CYP3A4: variants seen among roughly 807,000 people sequenced by gnomAD.
CYP3A4 encodes the protein cytochrome P450 3A4.
CYP3A4 carries 41 observed loss-of-function variants against 54.9 expected under a neutral mutation model. That is an observed-to-expected ratio of 0.75 (90% CI 0.58 to 0.97). The LOEUF (loss-of-function observed/expected upper bound fraction) is 0.97. Ranked by LOEUF, CYP3A4 falls within the 50% of genes least tolerant of loss-of-function variation. The pLI, the probability that CYP3A4 is intolerant of heterozygous loss-of-function variation, is 0.00. For synonymous variants in CYP3A4, 179 were observed against 205.2 expected, an observed-to-expected ratio of 0.87 and a Z score of 1.09; for missense variants, 510 against 597.3, an observed-to-expected ratio of 0.85 and a Z score of 1.52.
chr7:99,777,602 A>G (rs1195931274), intron 3 of CYP3A4, among the ~76,000 whole-genome samples: 2 of 152,094 alleles, frequency 1.3e-5, no homozygotes, highest in African/African-American at 4.8e-5. Context: ...CTATCACAAA[A>G]GACTCCGCAA....
chr7:99,768,596 C>A, intron 6 of CYP3A4, 94 bp from the exon 7 acceptor site: 1 of 1,606,776 alleles, frequency 6.2e-7, no homozygotes, highest in Non-Finnish European at 8.5e-7. Flanking sequence ...CCAGTCAAGA[C>A]AGACAAACAG....
chr7:99,779,934 G>A, intron 2 of CYP3A4, 58 bp downstream of exon 2: 1 of 1,509,380 alleles, frequency 6.6e-7, no homozygotes, highest in Non-Finnish European at 9.2e-7. Flanking sequence ...TTTACTGATG[G>A]AACTAAGCTG....
chr7:99,783,301 T>C (rs1185702736), intron 1 of CYP3A4, among the ~76,000 whole-genome samples: 3 of 152,094 alleles, frequency 2.0e-5, no homozygotes, highest in African/African-American at 7.3e-5. Flanking sequence ...GTGAGAGGAT[T>C]CATCCTCTTC....
chr7:99,758,017 G>C lies in CYP3A4; in HGVS notation c.*116C>G. ...TACAGAATCCCCGGTTATTTATGCA[G>C]TCCATTGGATGAAGCCCATCTTCAT... On this transcript the variant is annotated 3_prime_UTR_variant, in exon 13 of 13. Coordinates refer to ENST00000651514, the MANE Select transcript of CYP3A4 (RefSeq NM_017460.6). 1 of 811,088 alleles carries C rather than the reference G, an allele frequency of 1.2e-6. No individual in the cohort carries two copies. Among genetic ancestry groups the C allele is most frequent in the Non-Finnish European group, 2.1e-6 (1 of 475,770 alleles). The allele number at this position is 811,088 out of a possible 1,614,324, so 50.2% of individuals were successfully genotyped here. A position where few individuals can be genotyped will look rare whatever the true frequency, so the allele number is the denominator to read the frequency against.
rs1815201152 is a variant in CYP3A4 at position 99,757,386 on chromosome 7, T to C, written c.*747A>G. 1 of 152,266 alleles carries C rather than the reference T, an allele frequency of 6.6e-6. No homozygotes were observed. The highest frequency in any genetic ancestry group is 1.5e-5 in the Non-Finnish European group (1 of 68,144). The allele number at this position is 152,266 out of a possible 1,614,324, so 9.4% of individuals were successfully genotyped here. A position where few individuals can be genotyped will look rare whatever the true frequency, so the allele number is the denominator to read the frequency against. On this transcript the variant is annotated 3_prime_UTR_variant, in exon 13 of 13. Transcript: ENST00000651514. The stretch of plus-strand genomic sequence containing the variant: ...GTTTCAACCATGTAGGCCAGGCTTG[T>C]CTTGAACTCCTGACCTCAGGCGATC...
intron 9 of CYP3A4, 120 bp from the exon 10 acceptor site, chr7:99,764,135 T>A: frequency 1.4e-6 from 2 of 1,431,456 alleles, no homozygotes; most frequent in South Asian, 1.3e-5. Context: ...GAAAAGCAAT[T>A]CAGAGGTACA....
At chr7:99,772,479 G>A in intron 4 of CYP3A4, 111 bp downstream of exon 4, 1 of 1,344,978 alleles carries the variant, frequency 7.4e-7, no homozygotes, top group Non-Finnish European at 1.0e-6. Context: ...AGGATGAAGT[G>A]GACGTGGAAC....
At chr7:99,760,139 A>T (rs1219155710) in intron 12 of CYP3A4, among the ~76,000 whole-genome samples, 2 of 152,102 alleles carry the variant, frequency 1.3e-5, no homozygotes. Context: ...CTGGCTGGGA[A>T]CAACATTAAT....
At chr7:99,779,662 C>T (rs1815863471) in intron 2 of CYP3A4, among the ~76,000 whole-genome samples, 1 of 152,168 alleles carries the variant, frequency 6.6e-6, no homozygotes, top group Admixed American at 6.5e-5. Context: ...TTAATACTAA[C>T]TAAGTATGAC....
At chr7:99,761,898 A>G (rs1815342460) in intron 11 of CYP3A4, 143 bp downstream of exon 11, 4 of 801,080 alleles carry the variant, frequency 5.0e-6, no homozygotes, top group Non-Finnish European at 7.9e-6. Context: ...ACAATAATCA[A>G]TTTGATGATT....
intron 9 of CYP3A4, 65 bp downstream of exon 9, chr7:99,766,312 C>A (rs774947380): frequency 6.4e-7 from 1 of 1,567,410 alleles, no homozygotes; most frequent in Non-Finnish European, 8.8e-7. Context: ...ACTTCCTGCA[C>A]ATTTTCAGAA....
chr7:99,783,379 C>T (rs1472903587), intron 1 of CYP3A4, among the ~76,000 whole-genome samples: 1 of 152,102 alleles, frequency 6.6e-6, no homozygotes, highest in Non-Finnish European at 1.5e-5. Flanking sequence ...CAGGTTTCCA[C>T]AGCCAAGTTT....
chr7:99,770,808 T>G (rs1815613269), intron 4 of CYP3A4, among the ~76,000 whole-genome samples: 1 of 152,186 alleles, frequency 6.6e-6, no homozygotes, highest in Admixed American at 6.5e-5. Context: ...ATTTCATGGA[T>G]AGAAAGAAAA....
intron 3 of CYP3A4, among the ~76,000 whole-genome samples, chr7:99,774,116 A>G (rs1815698352): frequency 6.6e-6 from 1 of 152,236 alleles, no homozygotes; most frequent in Admixed American, 6.5e-5. Context: ...ATTCCTGGAC[A>G]CATGCCCCCT....
At chr7:99,765,754 G>A (rs1027677842) in intron 9 of CYP3A4, among the ~76,000 whole-genome samples, 2 of 152,154 alleles carry the variant, frequency 1.3e-5, no homozygotes, top group African/African-American at 2.4e-5. Context: ...TGTAAAACTC[G>A]TAGGTGAAAC....
At chr7:99,778,894 C>T (rs1218843358) in intron 2 of CYP3A4, among the ~76,000 whole-genome samples, 1 of 152,062 alleles carries the variant, frequency 6.6e-6, no homozygotes, top group Admixed American at 6.6e-5. Flanking sequence ...TGCTTTTGCA[C>T]AGGGAAAAAA....
At position 99,779,876 on chromosome 7, in the gene CYP3A4, G is replaced by A. The variant is rs1584550431; in HGVS notation, c.165+116C>T. 18 of 954,278 alleles carry A rather than the reference G, an allele frequency of 1.9e-5. No homozygotes were observed. The East Asian group carries it at 4.9e-4, about 26-fold the overall frequency. The allele number at this position is 954,278 out of a possible 1,614,324, so 59.1% of individuals were successfully genotyped here. On this transcript the variant is annotated intron_variant, in intron 2 of 12. Transcript: ENST00000651514. ...ATGTTCTGGGTGATGCCTACACACT[G>A]TTTCTGAAAGTGTAAAACTTCAGAC...
intron 8 of CYP3A4, 75 bp downstream of exon 8, chr7:99,767,056 G>T: frequency 7.4e-7 from 1 of 1,358,900 alleles, no homozygotes; most frequent in Non-Finnish European, 1.0e-6. Flanking sequence ...ACAGGTAACT[G>T]CACTGATCAT....
intron 3 of CYP3A4, among the ~76,000 whole-genome samples, chr7:99,776,520 C>T (rs547170066): frequency 6.6e-6 from 1 of 152,070 alleles, no homozygotes; most frequent in Non-Finnish European, 1.5e-5. Context: ...CATAAAAAAA[C>T]AATGAGTTCA....
Sources: gnomAD v4.1 joint callset for allele counts (sites outside exome capture counted in the v4.1 genomes callset) on GRCh38, gnomAD v4.1.1 for gene constraint, MANE v1.5 for transcripts, NCBI Gene and HGNC (gene_info 2026-07-23, HGNC 2026-07-21) for gene names.